The following LMO1 variants were observed in gnomAD, a reference collection of about 807,000 sequenced individuals.
LMO1 encodes the protein rhombotin-1.
In LMO1, 10 loss-of-function variants were observed where a neutral mutation model predicts 18.0. The observed-to-expected ratio is 0.55, with a 90% CI of 0.34 to 0.94. The LOEUF (loss-of-function observed/expected upper bound fraction) is 0.94. LMO1 is among the 40% of genes least tolerant of loss of function. The pLI, the probability that LMO1 is intolerant of heterozygous loss-of-function variation, is 0.02. For synonymous variants in LMO1, 77 were observed against 77.9 expected (o/e 0.99, Z 0.06); for missense variants, 183 against 205.7 (o/e 0.89, Z 0.68).
intron 1 of LMO1, among the ~76,000 whole-genome samples, chr11:8,248,573 C>T (rs904066759): frequency 6.6e-6 from 1 of 152,264 alleles, no homozygotes; most frequent in Admixed American, 6.5e-5. Flanking sequence ...CAGACAAGTT[C>T]TGCTCTTCTC....
At chr11:8,265,698 G>A (rs1455810432), upstream of LMO1, among the ~76,000 whole-genome samples, 1 of 152,170 alleles carries the variant, frequency 6.6e-6, no homozygotes, top group East Asian at 1.9e-4. Flanking sequence ...GCTGCCACCG[G>A]CATATTTGGT....
chr11:8,249,856 C>T (rs1403153415), intron 1 of LMO1, among the ~76,000 whole-genome samples: 1 of 152,188 alleles, frequency 6.6e-6, no homozygotes, highest in African/African-American at 2.4e-5. Context: ...TCATTATCCG[C>T]TCAACAAATA....
Position 8,224,550 on chromosome 11 carries a change from T to TGGCC in LMO1, c.*62_*65dup. 1.0e-6 allele frequency: 1 copy of TGGCC among 988,152 alleles called. No individual in the cohort carries two copies. The allele number at this position is 988,152 out of a possible 1,614,324, so 61.2% of individuals were successfully genotyped here. ...AGCCTGCACTGGTAGAGTGGCTGGC[T>TGGCC]GGCCGGCCAGGCAGGTGGGCAGGCG... On this transcript the variant is annotated 3_prime_UTR_variant, in exon 4 of 4. Transcript: ENST00000335790.
chr11:8,256,117 GC>G (rs1565187618), intron 1 of LMO1, among the ~76,000 whole-genome samples: 1 of 152,198 alleles, frequency 6.6e-6, no homozygotes, highest in African/African-American at 2.4e-5. Context: ...GAGCCACCGC[GC>G]CCGGCCAATG....
At chr11:8,247,262 T>C (rs952849771) in intron 1 of LMO1, among the ~76,000 whole-genome samples, 1 of 152,058 alleles carries the variant, frequency 6.6e-6, no homozygotes, top group South Asian at 2.1e-4. Context: ...AGCATCATAG[T>C]AAGGACTCCC....
At chr11:8,268,491 G>C (rs1032589666), upstream of LMO1, 5 of 1,373,924 alleles carry the variant, frequency 3.6e-6, no homozygotes, top group Non-Finnish European at 3.8e-6. Context: ...GGATACGGAG[G>C]GGCGCGTGGC....
At chr11:8,243,938 C>G (rs1846843005) in intron 1 of LMO1, among the ~76,000 whole-genome samples, 1 of 152,220 alleles carries the variant, frequency 6.6e-6, no homozygotes, top group African/African-American at 2.4e-5. Context: ...TTCCCCATCT[C>G]TGGGTGGGGA....
chr11:8,261,998 C>T (rs1301195048), intron 1 of LMO1, among the ~76,000 whole-genome samples: 1 of 152,232 alleles, frequency 6.6e-6, no homozygotes, highest in Non-Finnish European at 1.5e-5. Flanking sequence ...CAAATTCCCC[C>T]TCCCTGCTGG....
intron 2 of LMO1, among the ~76,000 whole-genome samples, chr11:8,228,756 C>G (rs184684072): frequency 6.2e-4 from 95 of 152,046 alleles, no homozygotes; most frequent in African/African-American, 2.2e-3. Context: ...GTGGGCCTCT[C>G]TCTCCAAGTC....
At chr11:8,225,833 A>G (rs1019178896) in intron 3 of LMO1, among the ~76,000 whole-genome samples, 6 of 152,186 alleles carry the variant, frequency 3.9e-5, no homozygotes, top group African/African-American at 1.2e-4. Context: ...CGTTCCCTGT[A>G]GGTCCCTCTG....
intron 1 of LMO1, among the ~76,000 whole-genome samples, chr11:8,236,354 C>T (rs1952760142): frequency 6.6e-6 from 1 of 151,442 alleles, no homozygotes; most frequent in South Asian, 2.1e-4. Context: ...CCAAGCCAGG[C>T]TAATTTTTGG....
chr11:8,267,544 T>C (rs1432030100), upstream of LMO1, among the ~76,000 whole-genome samples: 1 of 152,158 alleles, frequency 6.6e-6, no homozygotes, highest in Non-Finnish European at 1.5e-5. Flanking sequence ...CTGTGAGTTC[T>C]TCCAAGAGAC....
rs200975560 is a variant in LMO1 at position 8,224,737 on chromosome 11, G to A, written c.366-16C>T. The A allele has an allele frequency of 6.1e-5, 95 of 1,544,906 alleles. No individual in the cohort carries two copies. Among genetic ancestry groups the A allele is most frequent in the Non-Finnish European group, 7.0e-5 (79 of 1,131,070 alleles). On this transcript the variant is annotated splice_polypyrimidine_tract_variant and intron_variant, in intron 3 of 3. Transcript: ENST00000335790. ...CACACAAAATCTAGAAAATCCAAGC[G>A]AGAGAGAGAAGCCATGGGAAGGTCC...
chr11:8,254,004 G>C (rs1205839748), intron 1 of LMO1, among the ~76,000 whole-genome samples: 1 of 152,126 alleles, frequency 6.6e-6, no homozygotes, highest in Non-Finnish European at 1.5e-5. Context: ...CACAGACAAA[G>C]ATGTCATTTC....
chr11:8,263,438 G>A lies in LMO1; in HGVS notation c.-76C>T. The A allele has an allele frequency of 1.9e-6, 3 of 1,578,594 alleles. No homozygotes were observed. The highest frequency in any genetic ancestry group is 2.6e-6 in the Non-Finnish European group (3 of 1,169,594). On this transcript the variant is annotated 5_prime_UTR_variant, in exon 1 of 4. Transcript: ENST00000335790. Reference sequence around the variant, plus strand: ...CCGACTCGGGGCGCGCTTTGGAGGGGCGGCCGGTCTTCGGGCAGCTAGCGG... The same window carrying A: ...CCGACTCGGGGCGCGCTTTGGAGGGACGGCCGGTCTTCGGGCAGCTAGCGG...
intron 1 of LMO1, among the ~76,000 whole-genome samples, chr11:8,247,053 G>T (rs887142372): frequency 6.6e-6 from 1 of 152,194 alleles, no homozygotes; most frequent in Non-Finnish European, 1.5e-5. Flanking sequence ...TGGCCCATCT[G>T]CTTCCACAAC....
intron 1 of LMO1, 109 bp downstream of exon 1, chr11:8,263,229 C>T: frequency 9.5e-7 from 1 of 1,056,314 alleles, no homozygotes; most frequent in Non-Finnish European, 1.3e-6. Flanking sequence ...GCCCCGCAAT[C>T]CCCGCACAGC....
At chr11:8,225,265 T>A (rs531032498) in intron 3 of LMO1, among the ~76,000 whole-genome samples, 2 of 151,300 alleles carry the variant, frequency 1.3e-5, no homozygotes, top group East Asian at 2.0e-4. Context: ...TACAAAAAAA[T>A]TTAGCTGGTG....
At chr11:8,253,430 A>G (rs1386212406) in intron 1 of LMO1, among the ~76,000 whole-genome samples, 8 of 152,182 alleles carry the variant, frequency 5.3e-5, no homozygotes, top group Non-Finnish European at 1.0e-4. Context: ...TACCCATTTT[A>G]CTACTTGGAA....
Sources: gnomAD v4.1 joint callset for allele counts (sites outside exome capture counted in the v4.1 genomes callset) on GRCh38, gnomAD v4.1.1 for gene constraint, MANE v1.5 for transcripts, NCBI Gene and HGNC (gene_info 2026-07-23, HGNC 2026-07-21) for gene names.